Variants in GLRA2 observed in about 807,000 individuals in gnomAD.
GLRA2 encodes the protein glycine receptor alpha 2, also known as glycine receptor subunit alpha-2.
GLRA2 carries 11 observed loss-of-function variants against 31.6 expected under a neutral mutation model. That is an observed-to-expected ratio of 0.35 (90% CI 0.22 to 0.58). The LOEUF (loss-of-function observed/expected upper bound fraction) is 0.58. GLRA2 is among the 20% of genes least tolerant of loss of function. The probability of loss-of-function intolerance (pLI) is 0.84; values close to 1 mark genes in which losing one functional copy is unlikely to be tolerated. For missense variants in GLRA2, 212 were observed against 351.8 expected (o/e 0.60, Z 3.18); for synonymous variants, 132 against 134.0 (o/e 0.99, Z 0.10).
At chrX:14,453,154 A>G in the GLRA2 span, among the ~76,000 whole-genome samples, 2 of 112,083 alleles carry the variant, frequency 1.8e-5, no homozygotes, top group Non-Finnish European at 3.8e-5. Flanking sequence ...ATATTTCCCA[A>G]AAAAGGGAAA....
chrX:14,499,714 G>A, the GLRA2 span, among the ~76,000 whole-genome samples: 21 of 111,064 alleles, frequency 1.9e-4, no homozygotes, highest in African/African-American at 5.9e-4. Flanking sequence ...GAGGGAGGGA[G>A]AGAAGCAAGG....
At chrX:14,693,679 A>T (rs1455596550) in intron 8 of GLRA2, among the ~76,000 whole-genome samples, 3 of 112,322 alleles carry the variant, frequency 2.7e-5, no homozygotes. Context: ...TGGTATATTT[A>T]TCATGAGTTG....
chrX:14,524,634 T>C (rs1177348599), upstream of GLRA2, among the ~76,000 whole-genome samples: 1 of 111,598 alleles, frequency 9.0e-6, no homozygotes, highest in East Asian at 2.8e-4. Flanking sequence ...AGGAAACCCG[T>C]TCAGTAAAAG....
At chrX:14,551,892 G>A (rs2089570659) in intron 2 of GLRA2, among the ~76,000 whole-genome samples, 2 of 111,968 alleles carry the variant, frequency 1.8e-5, no homozygotes, top group South Asian at 7.3e-4. Flanking sequence ...AAAGGGAAAA[G>A]TCTGGGGGCT....
intron 4 of GLRA2, among the ~76,000 whole-genome samples, chrX:14,603,948 C>T (rs1483248652): frequency 9.0e-6 from 1 of 110,662 alleles, no homozygotes; most frequent in Non-Finnish European, 1.9e-5. Context: ...ATAGTATAAA[C>T]TTTATATCTT....
intron 7 of GLRA2, among the ~76,000 whole-genome samples, chrX:14,663,792 T>A (rs1205800646): frequency 3.6e-5 from 4 of 111,592 alleles, no homozygotes; most frequent in Non-Finnish European, 7.6e-5. Flanking sequence ...GCTACTTAGA[T>A]TTTTTAAAAA....
At chrX:14,520,941 G>T in the GLRA2 span, among the ~76,000 whole-genome samples, 2 of 112,460 alleles carry the variant, frequency 1.8e-5, no homozygotes, top group East Asian at 5.6e-4. Flanking sequence ...TTATTACTAT[G>T]CTTCTAACAA....
At chrX:14,688,235 C>G (rs5935793) in intron 7 of GLRA2, among the ~76,000 whole-genome samples, 2 of 110,884 alleles carry the variant, frequency 1.8e-5, no homozygotes, top group African/African-American at 6.6e-5. Context: ...CCCAGTTAGG[C>G]TACTCGGGGG....
the GLRA2 span, among the ~76,000 whole-genome samples, chrX:14,480,879 G>A: frequency 9.0e-6 from 1 of 111,437 alleles, no homozygotes; most frequent in Non-Finnish European, 1.9e-5. Flanking sequence ...GGCTCCATAT[G>A]AATTTTAGAG....
At chrX:14,581,455 T>C (rs1266247863) in intron 4 of GLRA2, 49 bp downstream of exon 4, 6 of 697,019 alleles carry the variant, frequency 8.6e-6, no homozygotes, top group East Asian at 3.2e-5. Flanking sequence ...TCTCCACTAA[T>C]GTAGAGCTGC....
In GLRA2 at chrX:14,690,691, G is replaced by GTCTC. The variant is rs752610633; in HGVS notation, c.931-6_931-3dup. On this transcript the variant is annotated intron_variant, in intron 7 of 8. Transcript: ENST00000218075. The stretch of plus-strand genomic sequence containing the variant: ...TCTCTCTCTCTCTGTGTGTGTGTGT[G>GTCTC]TCTCTCTCTCTCTCTCAGGTCTCCT... The GTCTC allele has an allele frequency of 4.0e-4, 366 of 924,774 alleles. No individual in the cohort carries two copies. The highest frequency in any genetic ancestry group is 5.2e-4 in the Non-Finnish European group (341 of 658,149). The allele number at this position is 924,774 out of a possible 1,213,427, so 76.2% of individuals were successfully genotyped here. A position where few individuals can be genotyped will look rare whatever the true frequency, so the allele number is the denominator to read the frequency against.
chrX:14,551,369 C>T (rs2089562108), intron 2 of GLRA2, among the ~76,000 whole-genome samples: 1 of 111,746 alleles, frequency 8.9e-6, no homozygotes, highest in Non-Finnish European at 1.9e-5. Flanking sequence ...ATTAATAATC[C>T]TCCATAAATA....
chrX:14,527,235 C>T (rs932672601), upstream of GLRA2, among the ~76,000 whole-genome samples: 3 of 111,535 alleles, frequency 2.7e-5, no homozygotes, highest in African/African-American at 9.8e-5. Flanking sequence ...TAATATAATG[C>T]TGTGATTTCA....
At chrX:14,473,103 TAGAG>T in the GLRA2 span, among the ~76,000 whole-genome samples, 1 of 111,262 alleles carries the variant, frequency 9.0e-6, no homozygotes. Context: ...GTAAGAAAAT[TAGAG>T]AGGAGATTGG....
rs1556060546 is a variant in GLRA2 at position 14,681,913 on chromosome X, A to ATATATATATATG, written c.931-8786_931-8785insGTATATATATAT. On this transcript the variant is annotated intron_variant, in intron 7 of 8. Transcript: ENST00000218075. ...TCTCAAAAAAAAAAAAAAAAAAAATATATATATATATATATATGTATATAT... is the reference window on the plus strand; with the variant it reads ...TCTCAAAAAAAAAAAAAAAAAAAATATATATATATATGTATATATATATATATATGTATATAT... Among the ~76,000 whole-genome samples the ATATATATATATG allele has an allele frequency of 3.0e-4, 18 of 59,806 alleles. 1 individual carries two copies. The highest frequency in any genetic ancestry group is 1.0e-3 in the African/African-American group (18 of 17,307). 51.9% of individuals were successfully genotyped at this position (59,806 alleles called of 115,157 possible).
the GLRA2 span, among the ~76,000 whole-genome samples, chrX:14,459,305 G>A: frequency 0.012 from 1,359 of 111,471 alleles, 7 homozygotes; most frequent in Non-Finnish European, 0.018. Flanking sequence ...GTCAGGTAGC[G>A]TGATGCCTCC....
At chrX:14,660,157 A>G (rs1484336731) in intron 7 of GLRA2, among the ~76,000 whole-genome samples, 2 of 112,163 alleles carry the variant, frequency 1.8e-5, no homozygotes, top group Admixed American at 1.9e-4. Flanking sequence ...AAGAATCAAT[A>G]GTGTAATGAA....
the GLRA2 span, among the ~76,000 whole-genome samples, chrX:14,464,417 G>A: frequency 9.0e-6 from 1 of 111,374 alleles, no homozygotes; most frequent in Non-Finnish European, 1.9e-5. Flanking sequence ...AGTTTTCCCA[G>A]CACCATTTAT....
chrX:14,495,058 C>A, the GLRA2 span, among the ~76,000 whole-genome samples: 1 of 111,563 alleles, frequency 9.0e-6, no homozygotes, highest in Non-Finnish European at 1.9e-5. Flanking sequence ...TCAGGATGGA[C>A]AAGTGATTGA....
Sources: gnomAD v4.1 joint callset for allele counts (sites outside exome capture counted in the v4.1 genomes callset) on GRCh38, gnomAD v4.1.1 for gene constraint, MANE v1.5 for transcripts, NCBI Gene and HGNC (gene_info 2026-07-23, HGNC 2026-07-21) for gene names.